RBFOX1: variants seen among roughly 807,000 people sequenced by gnomAD.
RBFOX1 encodes the protein RNA binding protein fox-1 homolog 1.
Under a neutral mutation model 57.7 loss-of-function variants are expected in RBFOX1, and 8 were observed. The ratio of observed to expected loss-of-function variants is 0.14; its 90% CI spans 0.08 to 0.25. The LOEUF is 0.25. RBFOX1 is among the 10% of genes least tolerant of loss of function. RBFOX1 has a pLI of 1.00. For missense variants in RBFOX1, 611 were observed against 548.5 expected (o/e 1.11, Z -1.14); for synonymous variants, 326 against 222.4 (o/e 1.47, Z -4.15).
At position 6,896,828 on chromosome 16, in the gene RBFOX1, A is replaced by G. The variant is rs140356764; in HGVS notation, c.-15-155229A>G. ...GATCATAGATGAGTTTATAGGATAG[A>G]AAGAAGATTGCAGGTAATATAAAAA... On this transcript the variant is annotated intron_variant, in intron 3 of 15. Transcript: ENST00000550418. Among the ~76,000 whole-genome samples, 857 of 152,308 alleles carry G rather than the reference A, an allele frequency of 5.6e-3. 9 individuals carry two copies. Among genetic ancestry groups the G allele is most frequent in the African/African-American group, 0.019 (803 of 41,572 alleles).
chr16:7,228,290 A>C (rs1266082111), intron 4 of RBFOX1, among the ~76,000 whole-genome samples: 2 of 152,196 alleles, frequency 1.3e-5, no homozygotes, highest in African/African-American at 4.8e-5. Flanking sequence ...ATTCATCCTC[A>C]AGGTAATATA....
chr16:6,047,856 A>C (rs1181991049), intron 1 of RBFOX1, among the ~76,000 whole-genome samples: 2 of 152,210 alleles, frequency 1.3e-5, no homozygotes, highest in South Asian at 2.1e-4. Flanking sequence ...CATGAAAAAA[A>C]TAAGTGTTTA....
At chr16:5,824,997 A>G (rs1223210531) in intron 3 of RBFOX1, among the ~76,000 whole-genome samples, 1 of 152,178 alleles carries the variant, frequency 6.6e-6, no homozygotes, top group African/African-American at 2.4e-5. Flanking sequence ...GAAAATTAAG[A>G]GGTCCCCATT....
chr16:6,803,604 G>A (rs547706767), intron 3 of RBFOX1, among the ~76,000 whole-genome samples: 1 of 152,242 alleles, frequency 6.6e-6, no homozygotes, highest in South Asian at 2.1e-4. Flanking sequence ...AACTGAGAAG[G>A]AAACAGGATT....
At chr16:6,659,390 C>G (rs575513115) in intron 3 of RBFOX1, among the ~76,000 whole-genome samples, 1 of 152,000 alleles carries the variant, frequency 6.6e-6, no homozygotes, top group Non-Finnish European at 1.5e-5. Context: ...ATTGAAGGTG[C>G]GATTGGGAGA....
intron 2 of RBFOX1, among the ~76,000 whole-genome samples, chr16:6,417,416 T>TC (rs2152983086): frequency 6.8e-6 from 1 of 147,626 alleles, no homozygotes; most frequent in African/African-American, 2.5e-5. Flanking sequence ...TGTTTACTTT[T>TC]TTTTTTTTTT....
chr16:7,482,282 C>T lies in RBFOX1; in HGVS notation c.28-35865C>T, dbSNP rs530832467. On this transcript the variant is annotated intron_variant, in intron 4 of 15. Coordinates refer to ENST00000550418, the MANE Select transcript of RBFOX1 (RefSeq NM_018723.4). Reference sequence around the variant, plus strand: ...CTGCAATCATCCTCATTAATTCTATCTTCGCAGTAACTCTGTGAAGTGCTT... The same window carrying T: ...CTGCAATCATCCTCATTAATTCTATTTTCGCAGTAACTCTGTGAAGTGCTT... 1.2e-3 allele frequency among the ~76,000 whole-genome samples: 187 copies of T among 152,328 alleles called. 1 individual carries two copies. Among genetic ancestry groups the T allele is most frequent in the African/African-American group, 4.4e-3 (182 of 41,572 alleles).
intron 4 of RBFOX1, among the ~76,000 whole-genome samples, chr16:7,335,722 C>T (rs1458847222): frequency 1.3e-5 from 2 of 151,898 alleles, no homozygotes; most frequent in East Asian, 3.9e-4. Context: ...GTTACTCATA[C>T]AGGATCTTTT....
At chr16:5,448,106 C>T (rs942545414) in intron 1 of RBFOX1, among the ~76,000 whole-genome samples, 1 of 152,192 alleles carries the variant, frequency 6.6e-6, no homozygotes, top group African/African-American at 2.4e-5. Context: ...TGTCTTTTGA[C>T]ATCCTGTTCT....
intron 14 of RBFOX1, among the ~76,000 whole-genome samples, chr16:7,708,810 A>G (rs1322335151): frequency 1.1e-5 from 1 of 94,986 alleles, no homozygotes; most frequent in African/African-American, 4.0e-5. Flanking sequence ...AGGGAAAAGC[A>G]TATGTAAGTA....
In RBFOX1 at chr16:7,496,269, A is replaced by G. The variant is rs189841306; in HGVS notation, c.28-21878A>G. The stretch of plus-strand genomic sequence containing the variant: ...GTGATTCTCTTGCCTCAGCCTCCCA[A>G]GTAGCTGGAATTACAGGCATGTGCC... On this transcript the variant is annotated intron_variant, in intron 4 of 15. Transcript: ENST00000550418. Among the ~76,000 whole-genome samples the G allele has an allele frequency of 5.9e-5, 9 of 152,212 alleles. No individual in the cohort carries two copies. The East Asian group carries it at 1.7e-3, about 29-fold the overall frequency.
chr16:6,327,757 A>G (rs2082542370), intron 2 of RBFOX1, among the ~76,000 whole-genome samples: 1 of 152,208 alleles, frequency 6.6e-6, no homozygotes, highest in Non-Finnish European at 1.5e-5. Flanking sequence ...CATGATTTCT[A>G]TACAGATTCA....
At chr16:7,355,502 T>C (rs1355293598) in intron 4 of RBFOX1, among the ~76,000 whole-genome samples, 2 of 152,108 alleles carry the variant, frequency 1.3e-5, no homozygotes, top group Admixed American at 1.3e-4. Context: ...ATTACATGCA[T>C]AGGTATGTGT....
intron 2 of RBFOX1, among the ~76,000 whole-genome samples, chr16:6,647,579 C>G (rs1311191985): frequency 6.6e-6 from 1 of 152,118 alleles, no homozygotes; most frequent in African/African-American, 2.4e-5. Flanking sequence ...CTCATTTAAC[C>G]TTAATCACTT....
At chr16:5,623,478 G>A (rs751992010) in intron 3 of RBFOX1, among the ~76,000 whole-genome samples, 3 of 152,178 alleles carry the variant, frequency 2.0e-5, no homozygotes, top group Non-Finnish European at 2.9e-5. Flanking sequence ...GCATGGCCAT[G>A]CTAAGTGCTG....
rs552648998 is a variant in RBFOX1, at chr16:5,521,531, C to T, written c.258+54277C>T. Among the ~76,000 whole-genome samples, 648 of 151,986 alleles carry T rather than the reference C, an allele frequency of 4.3e-3. 5 individuals carry two copies. Among genetic ancestry groups the T allele is most frequent in the African/African-American group, 0.015 (620 of 41,426 alleles). ...CAACGAACCTATCTGTAAACTATTG[C>T]CTTGGTCAGTGAGTGAGGCCGCCAT... is the stretch of plus-strand genomic sequence containing the variant. On this transcript the variant is annotated intron_variant, in intron 2 of 2. Transcript: ENST00000585867.
chr16:7,413,001 C>T (rs947312004), intron 4 of RBFOX1, among the ~76,000 whole-genome samples: 1 of 151,874 alleles, frequency 6.6e-6, no homozygotes, highest in African/African-American at 2.4e-5. Context: ...AAGATCACGC[C>T]ACTGCACTCC....
intron 1 of RBFOX1, among the ~76,000 whole-genome samples, chr16:5,288,498 C>T (rs1301378871): frequency 1.3e-5 from 2 of 152,102 alleles, no homozygotes; most frequent in African/African-American, 4.8e-5. Flanking sequence ...AACACAGTCA[C>T]ATTAAAAAAA....
intron 2 of RBFOX1, 31 bp downstream of exon 2, chr16:6,317,088 C>A (rs931912375): frequency 6.0e-6 from 9 of 1,502,094 alleles, no homozygotes; most frequent in Non-Finnish European, 6.3e-6. Context: ...ACATTCATTC[C>A]ATAAATACAT....
Sources: gnomAD v4.1 joint callset for allele counts (sites outside exome capture counted in the v4.1 genomes callset) on GRCh38, gnomAD v4.1.1 for gene constraint, MANE v1.5 for transcripts, NCBI Gene and HGNC (gene_info 2026-07-23, HGNC 2026-07-21) for gene names.